Variants in GPR39 observed in about 807,000 individuals in gnomAD.
GPR39 encodes the protein zinc sensing receptor.
In GPR39, 23 loss-of-function variants were observed where a neutral mutation model predicts 18.4. That is an observed-to-expected ratio of 1.25 (90% CI 0.90 to 1.77). The LOEUF is 1.77. Among genes scored for constraint, GPR39 ranks in the 40% most tolerant of loss-of-function variants. The pLI, the probability that GPR39 is intolerant of heterozygous loss-of-function variation, is 0.00. For missense variants in GPR39, 647 were observed against 602.4 expected (o/e 1.07, Z -0.78); for synonymous variants, 280 against 257.9 (o/e 1.09, Z -0.82).
At chr2:132,534,785 A>G (rs542653907) in intron 1 of GPR39, among the ~76,000 whole-genome samples, 2 of 152,172 alleles carry the variant, frequency 1.3e-5, no homozygotes, top group East Asian at 3.9e-4. Context: ...TGGGAATTGA[A>G]CAATGAGAAC....
intron 1 of GPR39, among the ~76,000 whole-genome samples, chr2:132,578,857 T>C (rs956724544): frequency 6.6e-6 from 1 of 152,116 alleles, no homozygotes; most frequent in Non-Finnish European, 1.5e-5. Context: ...ATATTAATAA[T>C]TTGTGTCCTC....
intron 1 of GPR39, among the ~76,000 whole-genome samples, chr2:132,452,974 A>G (rs1326947053): frequency 1.3e-5 from 2 of 152,220 alleles, no homozygotes; most frequent in African/African-American, 4.8e-5. Context: ...AGCATGCTTT[A>G]TAATCCTTTG....
intron 1 of GPR39, among the ~76,000 whole-genome samples, chr2:132,618,197 C>T (rs1248170418): frequency 1.3e-5 from 2 of 152,200 alleles, no homozygotes; most frequent in Non-Finnish European, 2.9e-5. Flanking sequence ...GTGTGTTCTG[C>T]CAGCCAGTCC....
intron 1 of GPR39, among the ~76,000 whole-genome samples, chr2:132,444,401 C>T (rs1215933918): frequency 6.6e-6 from 1 of 152,084 alleles, no homozygotes; most frequent in African/African-American, 2.4e-5. Context: ...AGCCGTCTTC[C>T]CACCTCAGTC....
At chr2:132,642,440 G>C (rs901147414) in intron 1 of GPR39, among the ~76,000 whole-genome samples, 1 of 152,138 alleles carries the variant, frequency 6.6e-6, no homozygotes, top group African/African-American at 2.4e-5. Context: ...CCTTTGCCTT[G>C]TACCTGGAGG....
chr2:132,531,499 T>C (rs9679198), intron 1 of GPR39, among the ~76,000 whole-genome samples: 23,953 of 152,060 alleles, frequency 0.16, 1,930 homozygotes, highest in Middle Eastern at 0.24. Context: ...CTGCACCAAG[T>C]GGACCTAATA....
intron 1 of GPR39, among the ~76,000 whole-genome samples, chr2:132,434,182 A>C (rs1680270997): frequency 1.3e-5 from 2 of 152,266 alleles, no homozygotes; most frequent in South Asian, 4.1e-4. Context: ...GTTTATTAGT[A>C]AGAAAGAGAA....
intron 1 of GPR39, among the ~76,000 whole-genome samples, chr2:132,614,193 T>C (rs1336524100): frequency 6.6e-6 from 1 of 151,970 alleles, no homozygotes; most frequent in Non-Finnish European, 1.5e-5. Context: ...TTTTTGTTTT[T>C]GTTTTGTTTT....
At chr2:132,638,839 T>C (rs899595041) in intron 1 of GPR39, among the ~76,000 whole-genome samples, 19 of 152,352 alleles carry the variant, frequency 1.2e-4, no homozygotes, top group Admixed American at 4.6e-4. Context: ...GTTAATTTAT[T>C]GTCCACAAAG....
chr2:132,473,210 T>TC (rs1300555983), intron 1 of GPR39, among the ~76,000 whole-genome samples: 2 of 152,208 alleles, frequency 1.3e-5, no homozygotes, highest in Admixed American at 1.3e-4. Flanking sequence ...GGAGCAAGGA[T>TC]TTCTCCTTTA....
intron 1 of GPR39, among the ~76,000 whole-genome samples, chr2:132,635,767 G>C (rs977244084): frequency 6.6e-6 from 1 of 152,136 alleles, no homozygotes; most frequent in Non-Finnish European, 1.5e-5. Context: ...TTTGGGGATC[G>C]GGCTTTTAGG....
At chr2:132,430,935 C>T (rs1458005132) in intron 1 of GPR39, among the ~76,000 whole-genome samples, 1 of 152,176 alleles carries the variant, frequency 6.6e-6, no homozygotes, top group Non-Finnish European at 1.5e-5. Flanking sequence ...TGGACTTCCC[C>T]TTCCCCCTGG....
At chr2:132,509,452 A>ACT (rs1558820906) in intron 1 of GPR39, among the ~76,000 whole-genome samples, 2 of 151,842 alleles carry the variant, frequency 1.3e-5, no homozygotes, top group East Asian at 1.9e-4. Flanking sequence ...ACACACACAG[A>ACT]CACTCACTCG....
chr2:132,548,086 T>C (rs1371603920), intron 1 of GPR39, among the ~76,000 whole-genome samples: 1 of 152,194 alleles, frequency 6.6e-6, no homozygotes, highest in Non-Finnish European at 1.5e-5. Context: ...CTGTTGTTCT[T>C]AAATGAACTA....
intron 1 of GPR39, chr2:132,523,644 T>A (rs927760115): frequency 6.6e-6 from 1 of 152,210 alleles, no homozygotes; most frequent in Non-Finnish European, 1.5e-5. Context: ...GGCTGCAACA[T>A]CTGTCACCCC....
At chr2:132,420,993 A>G (rs1431427124) in intron 1 of GPR39, among the ~76,000 whole-genome samples, 2 of 152,122 alleles carry the variant, frequency 1.3e-5, no homozygotes, top group Non-Finnish European at 2.9e-5. Flanking sequence ...TCAGTACTAG[A>G]CTTGGTTTCT....
intron 1 of GPR39, among the ~76,000 whole-genome samples, chr2:132,431,785 G>A (rs899493367): frequency 6.6e-6 from 1 of 152,188 alleles, no homozygotes; most frequent in African/African-American, 2.4e-5. Flanking sequence ...AAGTGGTGGG[G>A]ATGATGGCAA....
At position 132,514,581 on chromosome 2, in the gene GPR39, T is replaced by C. The variant is rs375416629; in HGVS notation, c.856+96683T>C. On this transcript the variant is annotated intron_variant, in intron 1 of 1. Coordinates refer to ENST00000329321, the MANE Select transcript of GPR39 (RefSeq NM_001508.3). ...TCTGCCACTTACAGTCCCCAGCCCA[T>C]TGGAACAGTAGTCAGGCTTTGCAGG... Among the ~76,000 whole-genome samples, 7 of 152,186 alleles carry C rather than the reference T, an allele frequency of 4.6e-5. No homozygotes were observed. In the East Asian group the frequency reaches 5.8e-4, roughly 13 times the overall value.
intron 1 of GPR39, among the ~76,000 whole-genome samples, chr2:132,475,608 A>G (rs1406634084): frequency 1.3e-5 from 2 of 151,450 alleles, no homozygotes; most frequent in African/African-American, 4.9e-5. Flanking sequence ...TCCCACCCTT[A>G]CTCGTTAGGG....
Sources: gnomAD v4.1 joint callset for allele counts (sites outside exome capture counted in the v4.1 genomes callset) on GRCh38, gnomAD v4.1.1 for gene constraint, MANE v1.5 for transcripts, NCBI Gene and HGNC (gene_info 2026-07-23, HGNC 2026-07-21) for gene names.